The following TNPO3 variants were observed in gnomAD, a reference collection of about 807,000 sequenced individuals.
TNPO3 encodes transportin 3.
TNPO3 carries 65 observed loss-of-function variants against 122.8 expected under a neutral mutation model. The ratio of observed to expected loss-of-function variants is 0.53; its 90% CI spans 0.43 to 0.65. The LOEUF (loss-of-function observed/expected upper bound fraction) is 0.65, where lower values mean the gene tolerates loss of function less well. Among genes scored for constraint, TNPO3 ranks in the 30% least tolerant of loss-of-function variants. TNPO3 has a pLI of 0.00. For synonymous variants in TNPO3, 372 were observed against 411.2 expected (o/e 0.90, Z 1.15); for missense variants, 850 against 1,136.7 (o/e 0.75, Z 3.63).
At chr7:129,021,507 T>C (rs190326024) in intron 1 of TNPO3, among the ~76,000 whole-genome samples, 2 of 151,726 alleles carry the variant, frequency 1.3e-5, no homozygotes, top group African/African-American at 2.4e-5. Flanking sequence ...GAAAAACTGC[T>C]ATGAAAAAAA....
intron 12 of TNPO3, among the ~76,000 whole-genome samples, chr7:128,985,705 G>T (rs1800070984): frequency 6.6e-6 from 1 of 152,120 alleles, no homozygotes; most frequent in African/African-American, 2.4e-5. Context: ...CAATGTCAAG[G>T]TTAATAAATT....
intron 11 of TNPO3, among the ~76,000 whole-genome samples, chr7:128,987,249 T>A (rs1425151706): frequency 6.6e-6 from 1 of 152,194 alleles, no homozygotes; most frequent in Non-Finnish European, 1.5e-5. Flanking sequence ...AATATGGCAA[T>A]GTAAGAAAGA....
chr7:129,027,558 CAAAAAAAAAA>C (rs71162549), intron 1 of TNPO3, among the ~76,000 whole-genome samples: 36 of 8,968 alleles, frequency 4.0e-3, no homozygotes, highest in African/African-American at 8.4e-3. Flanking sequence ...AAGACTGTCT[CAAAAAAAAAA>C]AAAAAAAAAA....
At chr7:128,999,735 CA>C (rs977925847) in intron 7 of TNPO3, among the ~76,000 whole-genome samples, 1 of 152,100 alleles carries the variant, frequency 6.6e-6, no homozygotes, top group African/African-American at 2.4e-5. Context: ...CTCAGCCTCC[CA>C]AGTAGCTGGG....
chr7:128,986,398 T>C (rs1191575305), intron 12 of TNPO3, among the ~76,000 whole-genome samples: 3 of 152,236 alleles, frequency 2.0e-5, no homozygotes, highest in Non-Finnish European at 4.4e-5. Context: ...CTCTTTGGTA[T>C]GGCAATGCTT....
rs1796992519 is a variant in TNPO3, at chr7:128,957,255, C to T, written c.2772G>A (p.Ter924=). The change falls in exon 22 of 23, where the codon TAG becomes TAA. Residue 924 remains the stop codon, a stop_retained_variant. Coordinates refer to ENST00000265388, the MANE Select transcript of TNPO3 (RefSeq NM_012470.4). ...GACAGGCACAGTGCAGGAGTGTGAG[C>T]TATCGAAACAACCTGGTGAAGTCTC... ...ALRDFTRLFR[*] 6.2e-7 allele frequency: 1 copy of T among 1,614,038 alleles called. No individual in the cohort carries two copies. The highest frequency in any genetic ancestry group is 1.3e-5 in the African/African-American group (1 of 75,044).
intron 1 of TNPO3, among the ~76,000 whole-genome samples, chr7:129,044,805 T>C (rs1807825684): frequency 1.3e-5 from 2 of 152,096 alleles, no homozygotes; most frequent in Non-Finnish European, 2.9e-5. Context: ...CCCAAATAAG[T>C]AAACAAATAA....
chr7:129,052,778 A>T (rs77040345), intron 1 of TNPO3, among the ~76,000 whole-genome samples: 7,387 of 152,238 alleles, frequency 0.049, 598 homozygotes, highest in African/African-American at 0.17. Flanking sequence ...TAAGCACTCA[A>T]ATATTGATTT....
At chr7:129,036,962 T>C (rs1026838150) in intron 1 of TNPO3, among the ~76,000 whole-genome samples, 4 of 151,704 alleles carry the variant, frequency 2.6e-5, no homozygotes, top group African/African-American at 7.3e-5. Context: ...AAAAAAAGGA[T>C]AGAAGGTAAA....
At chr7:129,041,045 T>A (rs987554747) in intron 1 of TNPO3, among the ~76,000 whole-genome samples, 1 of 152,184 alleles carries the variant, frequency 6.6e-6, no homozygotes, top group Non-Finnish European at 1.5e-5. Context: ...TATCACTTTA[T>A]TTTGAATTCC....
At chr7:129,034,850 G>A (rs866369334) in intron 1 of TNPO3, among the ~76,000 whole-genome samples, 55 of 136,586 alleles carry the variant, frequency 4.0e-4, no homozygotes, top group African/African-American at 1.4e-3. Context: ...AGCAGAGATC[G>A]CGCCACTGCA....
At chr7:128,998,409 C>A (rs1271238126) in intron 7 of TNPO3, among the ~76,000 whole-genome samples, 1 of 152,188 alleles carries the variant, frequency 6.6e-6, no homozygotes, top group South Asian at 2.1e-4. Flanking sequence ...GGCTGGAGCA[C>A]AGTGGCACAA....
chr7:129,038,375 G>C (rs1711789513), intron 1 of TNPO3, among the ~76,000 whole-genome samples: 1 of 152,196 alleles, frequency 6.6e-6, no homozygotes, highest in South Asian at 2.1e-4. Flanking sequence ...CTTACACACT[G>C]TTGGTGGGAG....
At chr7:128,957,443 G>A in intron 21 of TNPO3, 128 bp from the exon 22 acceptor site, 2 of 888,614 alleles carry the variant, frequency 2.3e-6, no homozygotes, top group Non-Finnish European at 3.6e-6. Flanking sequence ...ATCGTCTCCT[G>A]AGCGATCCTG....
chr7:128,985,976 A>G (rs1292791609), intron 12 of TNPO3, among the ~76,000 whole-genome samples: 2 of 152,200 alleles, frequency 1.3e-5, no homozygotes, highest in African/African-American at 4.8e-5. Flanking sequence ...AATATACCTC[A>G]ATCTCTCTGA....
chr7:128,966,106 A>T (rs1422079826), intron 21 of TNPO3, among the ~76,000 whole-genome samples: 1 of 152,148 alleles, frequency 6.6e-6, no homozygotes, highest in Non-Finnish European at 1.5e-5. Context: ...CAGTTAAAAA[A>T]TTTTCAAATT....
intron 12 of TNPO3, among the ~76,000 whole-genome samples, chr7:128,986,130 C>T (rs1015097895): frequency 3.3e-5 from 5 of 152,162 alleles, no homozygotes; most frequent in Non-Finnish European, 5.9e-5. Flanking sequence ...AAATATGATC[C>T]TTCTTTTATA....
intron 18 of TNPO3, among the ~76,000 whole-genome samples, chr7:128,974,086 A>G (rs1013956126): frequency 7.9e-5 from 12 of 151,700 alleles, no homozygotes; most frequent in African/African-American, 1.2e-4. Context: ...AGGTAGGAGA[A>G]TCACTTGAAC....
chr7:129,044,547 G>A (rs555430004), intron 1 of TNPO3, among the ~76,000 whole-genome samples: 2 of 152,302 alleles, frequency 1.3e-5, no homozygotes, highest in African/African-American at 4.8e-5. Flanking sequence ...TTAAGAGTAT[G>A]TACATAACAA....
Sources: gnomAD v4.1 joint callset for allele counts (sites outside exome capture counted in the v4.1 genomes callset) on GRCh38, gnomAD v4.1.1 for gene constraint, MANE v1.5 for transcripts, NCBI Gene and HGNC (gene_info 2026-07-23, HGNC 2026-07-21) for gene names.